Variants in TENM1 observed in about 807,000 individuals in gnomAD.
TENM1 encodes the protein teneurin transmembrane protein 1, also known as teneurin-1.
TENM1 carries 35 observed loss-of-function variants against 174.8 expected under a neutral mutation model. The ratio of observed to expected loss-of-function variants is 0.20; its 90% CI spans 0.15 to 0.27. The LOEUF (loss-of-function observed/expected upper bound fraction) is 0.27, where lower values mean the gene tolerates loss of function less well. Among genes scored for constraint, TENM1 ranks in the 10% least tolerant of loss-of-function variants. TENM1 has a pLI of 1.00. For missense variants in TENM1, 1,633 were observed against 2,130.1 expected, an observed-to-expected ratio of 0.77 and a Z score of 4.59; for synonymous variants, 781 against 798.7, an observed-to-expected ratio of 0.98 and a Z score of 0.37.
intron 22 of TENM1, among the ~76,000 whole-genome samples, chrX:124,459,146 T>C (rs1216016830): frequency 9.0e-6 from 1 of 111,458 alleles, no homozygotes; most frequent in Non-Finnish European, 1.9e-5. Context: ...GAAATGAAAG[T>C]CACAAGTGAT....
intron 3 of TENM1, among the ~76,000 whole-genome samples, chrX:124,781,595 G>A (rs1032289948): frequency 1.3e-4 from 14 of 111,379 alleles, no homozygotes; most frequent in Admixed American, 3.8e-4. Flanking sequence ...ATGATATAGA[G>A]TAATCACCAT....
At chrX:124,613,937 C>A (rs980292476) in intron 11 of TENM1, among the ~76,000 whole-genome samples, 14 of 111,680 alleles carry the variant, frequency 1.3e-4, no homozygotes, top group African/African-American at 4.6e-4. Context: ...CCGTGGGAAG[C>A]TGGGTGCCTA....
At chrX:124,686,034 A>G (rs1166508690) in intron 5 of TENM1, among the ~76,000 whole-genome samples, 1 of 112,360 alleles carries the variant, frequency 8.9e-6, no homozygotes, top group East Asian at 2.8e-4. Flanking sequence ...GAACATAAAG[A>G]GATATATACT....
chrX:124,743,168 G>A (rs777460424), intron 3 of TENM1, among the ~76,000 whole-genome samples: 9 of 111,285 alleles, frequency 8.1e-5, no homozygotes, highest in Middle Eastern at 4.6e-3. Context: ...AATGTATCTG[G>A]CTGTTCTGTT....
At chrX:124,645,360 G>C (rs1426665834) in intron 9 of TENM1, 23 bp from the exon 13 acceptor site, 2 of 1,182,069 alleles carry the variant, frequency 1.7e-6, no homozygotes, top group South Asian at 1.9e-5. Context: ...AAATGAACTT[G>C]TAATGTTCTC....
chrX:124,570,052 G>C (rs2049023379), intron 11 of TENM1, among the ~76,000 whole-genome samples: 1 of 111,349 alleles, frequency 9.0e-6, no homozygotes, highest in South Asian at 3.7e-4. Flanking sequence ...GCTATACATA[G>C]TACAAACATA....
chrX:125,147,968 G>A, the TENM1 span, among the ~76,000 whole-genome samples: 12 of 111,514 alleles, frequency 1.1e-4, no homozygotes, highest in South Asian at 1.5e-3. Flanking sequence ...AAATCAAGTC[G>A]TCATGTTTGA....
chrX:124,504,300 G>A (rs1319162878), intron 18 of TENM1, among the ~76,000 whole-genome samples: 2 of 112,373 alleles, frequency 1.8e-5, no homozygotes, highest in African/African-American at 6.5e-5. Context: ...TGCACGTTAT[G>A]TTTTGGTTTC....
chrX:124,641,842 C>A, exon 11 of TENM1: 2 of 1,211,723 alleles, frequency 1.7e-6, no homozygotes, highest in Middle Eastern at 2.3e-4. Flanking sequence ...CATACTCCAG[C>A]GTCCAGAAGA....
intron 4 of TENM1, among the ~76,000 whole-genome samples, chrX:124,731,994 ACCT>A (rs2053575154): frequency 8.9e-6 from 1 of 112,024 alleles, no homozygotes; most frequent in Admixed American, 9.4e-5. Context: ...AGGGAAGCAT[ACCT>A]AACAAGCCTA....
chrX:124,399,064 G>GT (rs1227999618), intron 27 of TENM1, among the ~76,000 whole-genome samples: 5 of 111,871 alleles, frequency 4.5e-5, no homozygotes, highest in Admixed American at 9.5e-5. Context: ...ATAATATAAT[G>GT]TTTTTTACTC....
chrX:125,137,527 A>T, the TENM1 span, among the ~76,000 whole-genome samples: 1 of 109,491 alleles, frequency 9.1e-6, no homozygotes, highest in Non-Finnish European at 1.9e-5. Context: ...TGCTTGGGAG[A>T]GACAGAGATC....
At chrX:125,042,858 A>G in the TENM1 span, among the ~76,000 whole-genome samples, 85 of 111,285 alleles carry the variant, frequency 7.6e-4, no homozygotes, top group African/African-American at 2.6e-3. Flanking sequence ...AATTTTTACA[A>G]TATCTGGATG....
At chrX:125,179,034 C>T in the TENM1 span, among the ~76,000 whole-genome samples, 3 of 110,556 alleles carry the variant, frequency 2.7e-5, no homozygotes, top group African/African-American at 9.9e-5. Context: ...AGTTAATATC[C>T]AACCTGAAAT....
rs777860357 is a variant in TENM1, at chrX:124,788,843, C to T, written c.536-51646G>A. ...TTTCCAGGTGCATGATACAAGCTGT[C>T]AGTGGATCTACAATTCTGGGGTATG... On this transcript the variant is annotated intron_variant, in intron 3 of 31. Coordinates refer to ENST00000422452, the Ensembl canonical transcript of TENM1. Among the ~76,000 whole-genome samples, 10 of 111,969 alleles carry T rather than the reference C, an allele frequency of 8.9e-5. No homozygotes were observed. The East Asian group carries it at 2.8e-3, about 32-fold the overall frequency.
At position 124,791,878 on chromosome X, in the gene TENM1, ATG is replaced by A. The variant is rs745552800; in HGVS notation, c.536-54683_536-54682del. ...CATAATTGCGTGTGTGTGTGTGTGC[ATG>A]TGTGTAAAATATGCTCCCCAGACAC... On this transcript the variant is annotated intron_variant, in intron 3 of 31. Transcript: ENST00000422452. 1.3e-4 allele frequency among the ~76,000 whole-genome samples: 14 copies of A among 110,892 alleles called. 1 individual carries two copies. The East Asian group carries it at 3.7e-3, about 29-fold the overall frequency.
chrX:124,723,603 G>GTTTT (rs1198093791), intron 4 of TENM1, among the ~76,000 whole-genome samples: 3 of 74,937 alleles, frequency 4.0e-5, no homozygotes, highest in Non-Finnish European at 7.6e-5. Context: ...TTTTTTTTTT[G>GTTTT]TTTTTTTTTT....
chrX:124,697,544 C>A (rs1053584045), intron 5 of TENM1, among the ~76,000 whole-genome samples: 2 of 111,186 alleles, frequency 1.8e-5, no homozygotes, highest in Admixed American at 9.6e-5. Flanking sequence ...CTTCCATGAA[C>A]AAATGACTTA....
chrX:124,762,640 G>A (rs2054447917), intron 3 of TENM1, among the ~76,000 whole-genome samples: 1 of 111,366 alleles, frequency 9.0e-6, no homozygotes, highest in East Asian at 2.8e-4. Context: ...ACACAGAGAG[G>A]TGCAAATAGC....
Sources: gnomAD v4.1 joint callset for allele counts (sites outside exome capture counted in the v4.1 genomes callset) on GRCh38, gnomAD v4.1.1 for gene constraint, MANE v1.5 for transcripts, NCBI Gene and HGNC (gene_info 2026-07-23, HGNC 2026-07-21) for gene names.